The following IGDCC3 variants were observed in gnomAD, a reference collection of about 807,000 sequenced individuals.
IGDCC3 encodes the protein immunoglobulin superfamily DCC subclass member 3, also known as putative neuronal cell adhesion molecule.
In IGDCC3, 47 loss-of-function variants were observed where a neutral mutation model predicts 72.0. That is an observed-to-expected ratio of 0.65 (90% CI 0.52 to 0.83). The LOEUF (loss-of-function observed/expected upper bound fraction) is 0.83, where lower values mean the gene tolerates loss of function less well. IGDCC3 is among the 40% of genes least tolerant of loss of function. The pLI is 0.00. For missense variants in IGDCC3, 1,038 were observed against 1,091.3 expected, an observed-to-expected ratio of 0.95 and a Z score of 0.69; for synonymous variants, 477 against 472.8, an observed-to-expected ratio of 1.01 and a Z score of -0.11.
At position 65,327,371 on chromosome 15, in the gene IGDCC3, A is replaced by T. The variant is rs1408399911; in HGVS notation, c.*1538T>A. 2 of 152,208 alleles carry T rather than the reference A, an allele frequency of 1.3e-5. No homozygotes were observed. Among genetic ancestry groups the T allele is most frequent in the African/African-American group, 4.8e-5 (2 of 41,442 alleles). 9.4% of individuals were successfully genotyped at this position (152,208 alleles called of 1,614,324 possible). ...ACTACCCTTCCCCAAGTCCACGCGG[A>T]CACAGCTCTAGTTTTCTAGGAAAAC... On this transcript the variant is annotated 3_prime_UTR_variant, in exon 14 of 14. Transcript: ENST00000327987.
At chr15:65,343,798 C>A (rs2091102833) in intron 2 of IGDCC3, among the ~76,000 whole-genome samples, 1 of 152,202 alleles carries the variant, frequency 6.6e-6, no homozygotes, top group Non-Finnish European at 1.5e-5. Context: ...CTCCTCAAGG[C>A]ACCTGCAAAT....
intron 9 of IGDCC3, 149 bp downstream of exon 9, chr15:65,330,898 AAAG>A: frequency 9.2e-7 from 1 of 1,092,426 alleles, no homozygotes; most frequent in East Asian, 2.6e-5. Context: ...GGAATTAGAA[AAAG>A]AAGCCCTTTC....
intron 2 of IGDCC3, among the ~76,000 whole-genome samples, chr15:65,354,481 T>C (rs912403748): frequency 8.5e-5 from 13 of 152,218 alleles, no homozygotes; most frequent in Non-Finnish European, 1.8e-4. Flanking sequence ...AATTCATTCC[T>C]AACTCTAACA....
chr15:65,333,485 C>T, intron 5 of IGDCC3, 70 bp from the exon 6 acceptor site: 1 of 1,425,916 alleles, frequency 7.0e-7, no homozygotes, highest in East Asian at 2.5e-5. Flanking sequence ...GTAAAGGAAA[C>T]TTCCAGATGG....
intron 2 of IGDCC3, among the ~76,000 whole-genome samples, chr15:65,357,224 TG>T (rs1450267860): frequency 6.6e-6 from 1 of 152,198 alleles, no homozygotes; most frequent in African/African-American, 2.4e-5. Context: ...TCTCTTCTGA[TG>T]GGCTCTTTGA....
chr15:65,376,231 A>AC (rs2140175922), intron 1 of IGDCC3, among the ~76,000 whole-genome samples: 1 of 152,272 alleles, frequency 6.6e-6, no homozygotes, highest in South Asian at 2.1e-4. Flanking sequence ...CTTCCAGCCA[A>AC]CCTCTCTGCT....
At position 65,334,878 on chromosome 15, in the gene IGDCC3, C is replaced by T. The variant is rs374665127; in HGVS notation, c.686-13G>A. 26 of 1,607,680 alleles carry T rather than the reference C, an allele frequency of 1.6e-5. No individual in the cohort carries two copies. The highest frequency in any genetic ancestry group is 2.1e-5 in the Non-Finnish European group (25 of 1,177,344). On this transcript the variant is annotated splice_polypyrimidine_tract_variant and intron_variant, in intron 4 of 13. Coordinates refer to ENST00000327987, the MANE Select transcript of IGDCC3 (RefSeq NM_004884.4). Reference sequence around the variant, plus strand: ...CCAGAGCCCGAGCCTGGGAGGAAGACGCCACATATCCTCACTTCAGCTGGG... The same window carrying T: ...CCAGAGCCCGAGCCTGGGAGGAAGATGCCACATATCCTCACTTCAGCTGGG...
chr15:65,356,722 C>A (rs1202995600), intron 2 of IGDCC3, among the ~76,000 whole-genome samples: 1 of 151,760 alleles, frequency 6.6e-6, no homozygotes, highest in African/African-American at 2.4e-5. Context: ...GAGATTACAC[C>A]CTTCAAGATC....
intron 2 of IGDCC3, among the ~76,000 whole-genome samples, chr15:65,362,626 C>T (rs2091268570): frequency 1.3e-5 from 2 of 152,142 alleles, no homozygotes; most frequent in African/African-American, 2.4e-5. Flanking sequence ...CATCCTCTCC[C>T]CTTCAGAATG....
At chr15:65,337,998 T>C (rs2091045965) in intron 2 of IGDCC3, among the ~76,000 whole-genome samples, 1 of 152,184 alleles carries the variant, frequency 6.6e-6, no homozygotes, top group South Asian at 2.1e-4. Flanking sequence ...TGAGGAAATA[T>C]ACAAGGGAAA....
rs993773737 is a variant in IGDCC3 at position 65,329,257 on chromosome 15, G to C, written c.2206-109C>G. Reference sequence around the variant, plus strand: ...TCCAGGTCTCCCTGCCTGACTCAGGGACACAAAGAGAAGACCTGCAGTTTG... The same window carrying C: ...TCCAGGTCTCCCTGCCTGACTCAGGCACACAAAGAGAAGACCTGCAGTTTG... On this transcript the variant is annotated intron_variant, in intron 13 of 13. Coordinates refer to ENST00000327987, the MANE Select transcript of IGDCC3 (RefSeq NM_004884.4). The surrounding 1 kb of genome is among the most constrained non-coding windows in gnomAD (Gnocchi z 4.1). The C allele has an allele frequency of 1.9e-5, 28 of 1,494,786 alleles. No individual in the cohort carries two copies. Among genetic ancestry groups the C allele is most frequent in the Admixed American group, 2.2e-5 (1 of 45,248 alleles). 92.6% of individuals were successfully genotyped at this position (1,494,786 alleles called of 1,614,324 possible).
At chr15:65,368,496 T>G (rs950371350) in intron 2 of IGDCC3, among the ~76,000 whole-genome samples, 1 of 152,164 alleles carries the variant, frequency 6.6e-6, no homozygotes, top group African/African-American at 2.4e-5. Flanking sequence ...ACCAGAAGCG[T>G]TCGACTTCCA....
intron 2 of IGDCC3, among the ~76,000 whole-genome samples, chr15:65,336,197 G>A (rs2091028060): frequency 1.3e-5 from 2 of 152,162 alleles, no homozygotes; most frequent in Admixed American, 1.3e-4. Flanking sequence ...AAAAAGTCTG[G>A]ACAAACTTCT....
rs562522423 is a variant in IGDCC3 at position 65,377,373 on chromosome 15, C to T, written c.103+313G>A. On this transcript the variant is annotated intron_variant, in intron 1 of 13. Transcript: ENST00000327987. This position sits in a 1 kb window ranked among gnomAD's most constrained non-coding sequence, Gnocchi z 4.9. ...CTTAGCCTTGCGGTCTCCCCTGGCT[C>T]GTTTCCCTCGGTCTCCACGCCAGCC... is the stretch of plus-strand genomic sequence containing the variant. Among the ~76,000 whole-genome samples, 1 of 152,170 alleles carries T rather than the reference C, an allele frequency of 6.6e-6. No individual in the cohort carries two copies. The highest frequency in any genetic ancestry group is 2.4e-5 in the African/African-American group (1 of 41,440).
chr15:65,333,508 C>A, intron 5 of IGDCC3, 93 bp from the exon 6 acceptor site: 1 of 1,252,836 alleles, frequency 8.0e-7, no homozygotes, highest in Non-Finnish European at 1.1e-6. Context: ...TGCCCTTCCT[C>A]CTGTCTTCTA....
chr15:65,366,823 C>G (rs1291108744), intron 2 of IGDCC3, among the ~76,000 whole-genome samples: 3 of 137,240 alleles, frequency 2.2e-5, no homozygotes, highest in Non-Finnish European at 4.7e-5. Flanking sequence ...CACTGGGTCT[C>G]AACATCTATC....
intron 2 of IGDCC3, among the ~76,000 whole-genome samples, chr15:65,363,348 C>A (rs892169447): frequency 2.0e-5 from 3 of 152,174 alleles, no homozygotes; most frequent in African/African-American, 7.2e-5. Flanking sequence ...GGAACCAGAA[C>A]CCTCACCAGA....
chr15:65,342,961 T>C (rs2091095428), intron 2 of IGDCC3, among the ~76,000 whole-genome samples: 1 of 152,156 alleles, frequency 6.6e-6, no homozygotes, highest in Non-Finnish European at 1.5e-5. Flanking sequence ...GGGAGGAGAT[T>C]AATGGTAAAG....
At chr15:65,376,806 G>A (rs1487656465) in intron 1 of IGDCC3, among the ~76,000 whole-genome samples, 1 of 152,190 alleles carries the variant, frequency 6.6e-6, no homozygotes, top group Non-Finnish European at 1.5e-5. Context: ...GAGAGGAGTG[G>A]AGAGAGAATA....
Sources: gnomAD v4.1 joint callset for allele counts (sites outside exome capture counted in the v4.1 genomes callset) on GRCh38, gnomAD v4.1.1 for gene constraint, Gnocchi (gnomAD v3.1) non-coding constraint, MANE v1.5 for transcripts, NCBI Gene and HGNC (gene_info 2026-07-23, HGNC 2026-07-21) for gene names.